AHCY: variants seen among roughly 807,000 people sequenced by gnomAD.
AHCY encodes S-adenosyl-L-homocysteine hydrolase.
AHCY carries 24 observed loss-of-function variants against 45.4 expected under a neutral mutation model. The observed-to-expected ratio is 0.53, with a 90% CI of 0.38 to 0.74. The LOEUF (loss-of-function observed/expected upper bound fraction) is 0.74, where lower values mean the gene tolerates loss of function less well. Among genes scored for constraint, AHCY ranks in the 30% least tolerant of loss-of-function variants. The pLI is 0.00. For synonymous variants in AHCY, 245 were observed against 235.1 expected (o/e 1.04, Z -0.39); for missense variants, 449 against 594.1 (o/e 0.76, Z 2.54).
intron 1 of AHCY, chr20:34,302,772 C>G: frequency 1.0e-6 from 1 of 993,850 alleles, no homozygotes; most frequent in Non-Finnish European, 1.2e-6. Context: ...GCCTGGGGCT[C>G]GCTTTCCAGG....
chr20:34,295,415 G>A lies in AHCY; in HGVS notation c.199C>T (p.Leu67Phe), dbSNP rs1258780277. 1 of 1,614,010 alleles carries A rather than the reference G, an allele frequency of 6.2e-7. No individual in the cohort carries two copies. Among genetic ancestry groups the A allele is most frequent in the Admixed American group, 1.7e-5 (1 of 60,018 alleles). ...CTCACCTCAGCACCCAGGGTGACGA[G>A]GGTCTCAATGAGGACGGCCGTCTCC... ...TVETAVLIET[L>F]VTLGAEVQWS... The change falls in exon 2 of 10, where the codon CTC becomes TTC. Residue 67 changes from leucine to phenylalanine, a missense_variant. Physicochemically the swap from Leu to Phe is conservative, Grantham distance 22. Transcript: ENST00000217426.
chr20:34,298,609 A>AGGGGGGGGGGGGGGGGGGGGGG (rs35505406), intron 1 of AHCY, among the ~76,000 whole-genome samples: 7 of 83,106 alleles, frequency 8.4e-5, no homozygotes, highest in Admixed American at 5.2e-4. Flanking sequence ...CGGCGGCGGG[A>AGGGGGGGGGGGGGGGGGGGGGG]GGGGGGGGGG....
At chr20:34,265,517 CT>C in the AHCY span, among the ~76,000 whole-genome samples, 1 of 151,942 alleles carries the variant, frequency 6.6e-6, no homozygotes, top group East Asian at 1.9e-4. Context: ...GAATAAGACC[CT>C]GTCTCAAAGA....
At chr20:34,246,185 A>G in the AHCY span, 2 of 1,189,304 alleles carry the variant, frequency 1.7e-6, no homozygotes, top group East Asian at 2.4e-5. Context: ...TGCTCTAGGA[A>G]TTTTGGCCTT....
intron 8 of AHCY, among the ~76,000 whole-genome samples, chr20:34,289,266 C>T (rs1568794242): frequency 2.0e-5 from 3 of 152,056 alleles, no homozygotes; most frequent in Non-Finnish European, 1.5e-5. Context: ...CTCCATCTCC[C>T]GGGTTCATGT....
At chr20:34,295,683 C>A (rs2036557550) in intron 1 of AHCY, 98 bp from the exon 2 acceptor site, 1 of 1,224,272 alleles carries the variant, frequency 8.2e-7, no homozygotes, top group South Asian at 1.3e-5. Context: ...GTGGACTCAA[C>A]ACACTAGGGC....
intron 1 of AHCY, 102 bp downstream of exon 1, chr20:34,303,141 A>G: frequency 1.3e-6 from 2 of 1,526,276 alleles, no homozygotes; most frequent in Non-Finnish European, 1.8e-6. Flanking sequence ...CTGCGATTCC[A>G]GGGGGTCCAG....
intron 1 of AHCY, among the ~76,000 whole-genome samples, chr20:34,298,286 T>C (rs1025894212): frequency 3.8e-4 from 58 of 152,328 alleles, no homozygotes; most frequent in South Asian, 6.2e-4. Flanking sequence ...TATATGATTA[T>C]ATATGAATAT....
In AHCY at chr20:34,302,522, G is replaced by A. The variant is rs953785559; in HGVS notation, c.28+721C>T. The A allele has an allele frequency of 7.4e-6, 6 of 810,466 alleles. No homozygotes were observed. The African/African-American group carries it at 1.1e-4, about 15-fold the overall frequency. 50.2% of individuals were successfully genotyped at this position (810,466 alleles called of 1,614,324 possible). A position where few individuals can be genotyped will look rare whatever the true frequency, so the allele number is the denominator to read the frequency against. ...GGATTCTCATCATAAAATGAGAACA[G>A]TTTCCCTATAGAGCCATGAGACTAG... On this transcript the variant is annotated intron_variant, in intron 1 of 9. Coordinates refer to ENST00000217426, the MANE Select transcript of AHCY (RefSeq NM_000687.4).
rs142879853 is a variant in AHCY, at chr20:34,296,078, C to T, written c.29-493G>A. On this transcript the variant is annotated intron_variant, in intron 1 of 9. Transcript: ENST00000217426. The stretch of plus-strand genomic sequence containing the variant: ...TGATCTCCTTTTAGATGTAAAAATG[C>T]TTCCCCACTCCTGATGTTTCTTTCC... Among the ~76,000 whole-genome samples the T allele has an allele frequency of 3.7e-3, 563 of 152,312 alleles. 6 individuals are homozygous for T. Among genetic ancestry groups the T allele is most frequent in the African/African-American group, 0.013 (548 of 41,568 alleles).
At chr20:34,282,219 T>C (rs2036027293) in intron 9 of AHCY, among the ~76,000 whole-genome samples, 1 of 152,156 alleles carries the variant, frequency 6.6e-6, no homozygotes. Flanking sequence ...CTCCTCTGGA[T>C]GACTTACTCT....
At chr20:34,302,535 G>C in intron 1 of AHCY, 4 of 859,724 alleles carry the variant, frequency 4.7e-6, no homozygotes, top group Non-Finnish European at 5.6e-6. Flanking sequence ...TCCCTATAGA[G>C]CCATGAGACT....
chr20:34,304,748 G>T (rs2036874561), upstream of AHCY, among the ~76,000 whole-genome samples: 1 of 151,800 alleles, frequency 6.6e-6, no homozygotes, highest in African/African-American at 2.4e-5. Context: ...GAGTGCAATG[G>T]CATGATCTTG....
chr20:34,257,865 T>G, the AHCY span, among the ~76,000 whole-genome samples: 5 of 152,148 alleles, frequency 3.3e-5, no homozygotes, highest in Non-Finnish European at 7.3e-5. Context: ...ATAGTTGGGC[T>G]GGGTGCGGTG....
At chr20:34,259,020 G>A in the AHCY span, among the ~76,000 whole-genome samples, 7 of 148,292 alleles carry the variant, frequency 4.7e-5, no homozygotes, top group Non-Finnish European at 1.0e-4. Context: ...CTGGGTAATA[G>A]AGTGAGCCTT....
chr20:34,299,016 G>C (rs908575751), intron 1 of AHCY, among the ~76,000 whole-genome samples: 14 of 152,118 alleles, frequency 9.2e-5, no homozygotes, highest in African/African-American at 3.4e-4. Context: ...TGCCTTATAT[G>C]CAATAAATAA....
At chr20:34,305,015 G>C (rs1601692342), upstream of AHCY, among the ~76,000 whole-genome samples, 2 of 149,830 alleles carry the variant, frequency 1.3e-5, 1 homozygote, top group South Asian at 4.4e-4. Flanking sequence ...CTAAAAATGA[G>C]AAAAGAATTA....
At chr20:34,296,552 A>G (rs1394967450) in intron 1 of AHCY, among the ~76,000 whole-genome samples, 4 of 152,212 alleles carry the variant, frequency 2.6e-5, no homozygotes, top group African/African-American at 9.7e-5. Flanking sequence ...ATTCTCAGGC[A>G]GGAAAGAAGG....
the AHCY span, among the ~76,000 whole-genome samples, chr20:34,233,530 CTG>C: frequency 1.3e-5 from 2 of 152,288 alleles, no homozygotes; most frequent in Admixed American, 6.5e-5. Flanking sequence ...TTGCACAACT[CTG>C]TGAATAAACT....
Sources: gnomAD v4.1 joint callset for allele counts (sites outside exome capture counted in the v4.1 genomes callset) on GRCh38, gnomAD v4.1.1 for gene constraint, MANE v1.5 for transcripts, NCBI Gene and HGNC (gene_info 2026-07-23, HGNC 2026-07-21) for gene names.